The following PTK2 variants were observed in gnomAD, a reference collection of about 807,000 sequenced individuals.
The protein encoded by PTK2 is focal adhesion kinase 1.
PTK2 carries 45 observed loss-of-function variants against 150.1 expected under a neutral mutation model. That is an observed-to-expected ratio of 0.30 (90% CI 0.24 to 0.38). The LOEUF (loss-of-function observed/expected upper bound fraction) is 0.38. Ranked by LOEUF, PTK2 falls within the 10% of genes least tolerant of loss-of-function variation. The pLI, the probability that PTK2 is intolerant of heterozygous loss-of-function variation, is 1.00. For synonymous variants in PTK2, 432 were observed against 449.2 expected (o/e 0.96, Z 0.48); for missense variants, 919 against 1,307.3 (o/e 0.70, Z 4.58).
intron 1 of PTK2, among the ~76,000 whole-genome samples, chr8:140,991,554 G>A (rs2100195705): frequency 6.6e-6 from 1 of 152,028 alleles, no homozygotes; most frequent in Non-Finnish European, 1.5e-5. Context: ...CTGAAGTGAG[G>A]GCAATCTCCT....
At chr8:140,912,860 A>T (rs544955142) in intron 2 of PTK2, among the ~76,000 whole-genome samples, 1 of 151,928 alleles carries the variant, frequency 6.6e-6, no homozygotes, top group Non-Finnish European at 1.5e-5. Context: ...GCAGGAGAAT[A>T]GCTTGAACCT....
intron 15 of PTK2, 124 bp downstream of exon 17, chr8:140,764,110 T>C: frequency 2.4e-6 from 2 of 842,546 alleles, no homozygotes; most frequent in Non-Finnish European, 4.1e-6. Context: ...GAAAAGAATA[T>C]TTCTGTTCAG....
At position 140,746,642 on chromosome 8, in the gene PTK2, T is replaced by C. The variant is rs866664014; in HGVS notation, c.1518+118A>G. ...TCTCTGAACCAAAACCATAATGACATACATCCTAAATCAGAACTCTCCTGA... is the reference window on the plus strand; with the variant it reads ...TCTCTGAACCAAAACCATAATGACACACATCCTAAATCAGAACTCTCCTGA... On this transcript the variant is annotated intron_variant, in intron 18 of 31. Coordinates refer to ENST00000522684, the Ensembl canonical transcript of PTK2. The C allele has an allele frequency of 3.5e-5, 24 of 680,758 alleles. No homozygotes were observed. In the Middle Eastern group the frequency reaches 3.3e-3, roughly 93 times the overall value. 42.2% of individuals were successfully genotyped at this position (680,758 alleles called of 1,614,324 possible). A position where few individuals can be genotyped will look rare whatever the true frequency, so the allele number is the denominator to read the frequency against.
At chr8:140,779,245 GA>G (rs140826832) in intron 14 of PTK2, among the ~76,000 whole-genome samples, 86 of 112,052 alleles carry the variant, frequency 7.7e-4, no homozygotes, top group East Asian at 8.7e-4. Flanking sequence ...CTGGGCGATG[GA>G]AAAAAAAAAA....
chr8:140,827,049 G>A (rs1163845720), intron 8 of PTK2, among the ~76,000 whole-genome samples: 1 of 151,906 alleles, frequency 6.6e-6, no homozygotes, highest in Non-Finnish European at 1.5e-5. Flanking sequence ...AGTCTTCTTG[G>A]TTCTTTTTGC....
At chr8:140,902,652 C>G (rs1364659687) in intron 2 of PTK2, among the ~76,000 whole-genome samples, 3 of 152,178 alleles carry the variant, frequency 2.0e-5, no homozygotes, top group Admixed American at 6.5e-5. Context: ...GATTGCCATT[C>G]TAACTGGTGT....
intron 27 of PTK2, among the ~76,000 whole-genome samples, chr8:140,679,003 GTTTTTTTTTTTTTTTTTT>G (rs533089786): frequency 1.3e-3 from 89 of 69,000 alleles, no homozygotes; most frequent in African/African-American, 1.6e-3. Context: ...TGCTCCCCAT[GTTTTTTTTTTTTTTTTTT>G]TTTTTTTTTT....
At chr8:140,861,262 T>C (rs557368695) in intron 5 of PTK2, among the ~76,000 whole-genome samples, 1 of 152,138 alleles carries the variant, frequency 6.6e-6, no homozygotes, top group South Asian at 2.1e-4. Flanking sequence ...GGCAGGGCGA[T>C]TGCTTGAGCC....
At chr8:140,870,164 A>G (rs2100141702) in intron 4 of PTK2, among the ~76,000 whole-genome samples, 1 of 152,198 alleles carries the variant, frequency 6.6e-6, no homozygotes, top group Non-Finnish European at 1.5e-5. Context: ...AAAAAAGTCA[A>G]CACCATAAAA....
intron 2 of PTK2, chr8:140,921,039 T>C: frequency 7.7e-7 from 1 of 1,302,426 alleles, no homozygotes; most frequent in Non-Finnish European, 9.7e-7. Flanking sequence ...TTTTCAGAGC[T>C]TGAAGCAAAA....
intron 17 of PTK2, 77 bp downstream of exon 20, chr8:140,752,155 C>A: frequency 8.1e-7 from 1 of 1,236,534 alleles, no homozygotes; most frequent in East Asian, 2.3e-5. Context: ...CACTATTTTT[C>A]TTATTTCTTC....
exon 3 of PTK2, chr8:140,890,680 T>C (rs756906833): frequency 3.7e-6 from 6 of 1,613,934 alleles, no homozygotes; most frequent in Middle Eastern, 3.3e-4. Flanking sequence ...CCCAGGTGAG[T>C]CTTAGTACTC....
chr8:140,842,917 T>C (rs1042813010), intron 7 of PTK2, among the ~76,000 whole-genome samples: 3 of 152,160 alleles, frequency 2.0e-5, no homozygotes, highest in African/African-American at 4.8e-5. Context: ...TGCAATCCTC[T>C]AAGAAGGATC....
At chr8:140,663,019 A>C (rs2082988138) in intron 31 of PTK2, 1 of 370,870 alleles carries the variant, frequency 2.7e-6, no homozygotes, top group Non-Finnish European at 4.8e-6. Flanking sequence ...GGCGACGGAA[A>C]AGTGCTACAG....
intron 8 of PTK2, among the ~76,000 whole-genome samples, chr8:140,820,076 GTTT>G (rs370537018): frequency 1.4e-4 from 7 of 50,252 alleles, no homozygotes; most frequent in East Asian, 6.4e-4. Flanking sequence ...TCTGACTTTG[GTTT>G]TTTTTTTTTT....
rs578199515 is a variant in PTK2 at position 140,746,125 on chromosome 8, A to G, written c.1518+635T>C. ...GGCAGGCGGATCACTTGAGCCAAGG[A>G]GCTCAAGACCAGCCTAGGCAACATA... On this transcript the variant is annotated intron_variant, in intron 18 of 31. Transcript: ENST00000522684. Among the ~76,000 whole-genome samples, 4 of 152,324 alleles carry G rather than the reference A, an allele frequency of 2.6e-5. No homozygotes were observed. In the South Asian group the frequency reaches 8.3e-4, roughly 32 times the overall value.
intron 10 of PTK2, 53 bp from the exon 11 acceptor site, chr8:140,803,703 C>G (rs1405495822): frequency 2.0e-6 from 3 of 1,464,088 alleles, no homozygotes; most frequent in Admixed American, 3.4e-5. Context: ...ACTCATTTCA[C>G]AGAGTCTGTA....
chr8:140,923,553 C>T (rs1480307273), intron 2 of PTK2, among the ~76,000 whole-genome samples: 1 of 152,170 alleles, frequency 6.6e-6, no homozygotes, highest in Non-Finnish European at 1.5e-5. Flanking sequence ...ACAAACTATG[C>T]TTTTAAATTC....
chr8:140,754,935 C>T (rs556945638), intron 16 of PTK2, among the ~76,000 whole-genome samples: 29 of 152,150 alleles, frequency 1.9e-4, no homozygotes, highest in Non-Finnish European at 4.0e-4. Flanking sequence ...TTGGTAATTA[C>T]TCAAAATAGA....
Sources: gnomAD v4.1 joint callset for allele counts (sites outside exome capture counted in the v4.1 genomes callset) on GRCh38, gnomAD v4.1.1 for gene constraint, MANE v1.5 for transcripts, NCBI Gene and HGNC (gene_info 2026-07-23, HGNC 2026-07-21) for gene names.